Variants in GMDS observed in about 807,000 individuals in gnomAD.
GMDS encodes GDP-mannose 4,6-dehydratase, also known as GDP-mannose 4,6 dehydratase.
GMDS carries 20 observed loss-of-function variants against 49.9 expected under a neutral mutation model. The observed-to-expected ratio is 0.40, with a 90% confidence interval of 0.28 to 0.58. The LOEUF is 0.58. Ranked by LOEUF, GMDS falls within the 20% of genes least tolerant of loss-of-function variation. GMDS has a pLI of 0.42. For synonymous variants in GMDS, 177 were observed against 178.6 expected, an observed-to-expected ratio of 0.99 and a Z score of 0.07; for missense variants, 362 against 481.4, an observed-to-expected ratio of 0.75 and a Z score of 2.32.
chr6:2,201,397 C>T (rs1490252192), intron 1 of GMDS, among the ~76,000 whole-genome samples: 1 of 107,042 alleles, frequency 9.3e-6, no homozygotes, highest in Non-Finnish European at 1.9e-5. Context: ...ATGAAACCAT[C>T]TAGGCAGTGA....
intron 4 of GMDS, among the ~76,000 whole-genome samples, chr6:2,062,810 G>A (rs1330960632): frequency 6.6e-6 from 1 of 152,210 alleles, no homozygotes; most frequent in African/African-American, 2.4e-5. Context: ...AAAGACTGGA[G>A]TTTTAAAATT....
At chr6:1,792,255 T>C (rs76556424) in intron 7 of GMDS, among the ~76,000 whole-genome samples, 177 of 152,186 alleles carry the variant, frequency 1.2e-3, no homozygotes, top group East Asian at 4.4e-3. Flanking sequence ...TTTTTTTTTT[T>C]CCTCGGATTA....
chr6:1,849,227 T>C (rs543165479), intron 7 of GMDS, among the ~76,000 whole-genome samples: 8 of 152,376 alleles, frequency 5.3e-5, no homozygotes, highest in Non-Finnish European at 1.2e-4. Context: ...TAAGGCACAC[T>C]GGAGGCCAAT....
intron 1 of GMDS, among the ~76,000 whole-genome samples, chr6:2,168,442 G>A (rs1229726582): frequency 6.6e-6 from 1 of 152,204 alleles, no homozygotes; most frequent in African/African-American, 2.4e-5. Flanking sequence ...CAGAATGTGA[G>A]GCAAGAAAAT....
At chr6:1,911,227 C>T (rs1409621406) in intron 7 of GMDS, among the ~76,000 whole-genome samples, 2 of 152,206 alleles carry the variant, frequency 1.3e-5, no homozygotes, top group African/African-American at 4.8e-5. Flanking sequence ...CAGGGACATG[C>T]TAATGTCTCC....
intron 6 of GMDS, among the ~76,000 whole-genome samples, chr6:1,941,512 T>C (rs1581395475): frequency 6.6e-6 from 1 of 151,992 alleles, no homozygotes; most frequent in Non-Finnish European, 1.5e-5. Context: ...GTGACCTTGA[T>C]GGGAGAGCTT....
chr6:2,164,018 T>A (rs1321910843), intron 1 of GMDS, among the ~76,000 whole-genome samples: 1 of 152,224 alleles, frequency 6.6e-6, no homozygotes, highest in Non-Finnish European at 1.5e-5. Context: ...CTAATAAGCC[T>A]TTGAATCCTT....
intron 9 of GMDS, among the ~76,000 whole-genome samples, chr6:1,725,690 C>T (rs1766558069): frequency 6.6e-6 from 1 of 152,186 alleles, no homozygotes; most frequent in African/African-American, 2.4e-5. Flanking sequence ...CCTCTGCCTC[C>T]CAAAGGGCTG....
At chr6:1,802,120 T>C (rs1027715347) in intron 7 of GMDS, among the ~76,000 whole-genome samples, 4 of 152,224 alleles carry the variant, frequency 2.6e-5, no homozygotes, top group Admixed American at 6.5e-5. Context: ...AGTGAAAAAA[T>C]GTTGAAAGTT....
intron 7 of GMDS, among the ~76,000 whole-genome samples, chr6:1,841,037 A>C (rs761432939): frequency 2.0e-5 from 3 of 152,196 alleles, no homozygotes; most frequent in Non-Finnish European, 4.4e-5. Context: ...ACACTGCATA[A>C]ACAGAATGTA....
intron 4 of GMDS, among the ~76,000 whole-genome samples, chr6:1,992,380 C>A (rs2127365251): frequency 6.6e-6 from 1 of 152,296 alleles, no homozygotes; most frequent in South Asian, 2.1e-4. Context: ...CCTCCCTCCC[C>A]TTCTTCAGGC....
At chr6:1,961,001 T>C (rs749830650) in intron 4 of GMDS, 35 bp from the exon 5 acceptor site, 6 of 1,319,996 alleles carry the variant, frequency 4.5e-6, no homozygotes, top group Non-Finnish European at 5.2e-6. Flanking sequence ...GCTGCATTAA[T>C]AGCTTCATAG....
intron 1 of GMDS, among the ~76,000 whole-genome samples, chr6:2,236,489 C>T (rs1232064779): frequency 1.3e-5 from 2 of 152,180 alleles, no homozygotes; most frequent in Non-Finnish European, 2.9e-5. Flanking sequence ...GCATTTTGTC[C>T]TGCAGGTCTC....
intron 7 of GMDS, among the ~76,000 whole-genome samples, chr6:1,882,364 T>C (rs1451981269): frequency 2.6e-5 from 4 of 152,220 alleles, no homozygotes; most frequent in East Asian, 1.9e-4. Context: ...CCAGTTTAGT[T>C]GAGCATGCAC....
intron 7 of GMDS, among the ~76,000 whole-genome samples, chr6:1,784,304 A>G (rs1769225424): frequency 6.7e-6 from 1 of 150,072 alleles, no homozygotes; most frequent in Non-Finnish European, 1.5e-5. Context: ...AGGCAGGAGA[A>G]TCACTTGAAC....
intron 1 of GMDS, among the ~76,000 whole-genome samples, chr6:2,214,625 TC>T (rs1203574619): frequency 1.3e-5 from 2 of 152,204 alleles, no homozygotes; most frequent in African/African-American, 4.8e-5. Flanking sequence ...CTGGAATCTA[TC>T]CTTCATGGAT....
At chr6:1,994,703 A>G (rs1318048950) in intron 4 of GMDS, among the ~76,000 whole-genome samples, 1 of 152,060 alleles carries the variant, frequency 6.6e-6, no homozygotes, top group Non-Finnish European at 1.5e-5. Context: ...ATGCTCTGGG[A>G]GCCTGGGGCC....
intron 6 of GMDS, among the ~76,000 whole-genome samples, chr6:1,931,442 G>A (rs564810877): frequency 9.2e-5 from 14 of 152,124 alleles, no homozygotes; most frequent in African/African-American, 3.1e-4. Context: ...AAATACAATG[G>A]GACTACCGTG....
At chr6:2,085,065 T>C (rs1772933661) in intron 4 of GMDS, among the ~76,000 whole-genome samples, 1 of 152,170 alleles carries the variant, frequency 6.6e-6, no homozygotes, top group Non-Finnish European at 1.5e-5. Flanking sequence ...TACCTGAACA[T>C]GTTCACATTT....
Sources: gnomAD v4.1 joint callset for allele counts (sites outside exome capture counted in the v4.1 genomes callset) on GRCh38, gnomAD v4.1.1 for gene constraint, MANE v1.5 for transcripts, NCBI Gene and HGNC (gene_info 2026-07-23, HGNC 2026-07-21) for gene names.